The following DICER1 variants were observed in gnomAD, a reference collection of about 807,000 sequenced individuals.
The protein encoded by DICER1 is dicer 1, ribonuclease III.
A neutral mutation model predicts 194.1 loss-of-function variants in DICER1; 43 were observed. The ratio of observed to expected loss-of-function variants is 0.22; its 90% confidence interval spans 0.17 to 0.29. The LOEUF (loss-of-function observed/expected upper bound fraction) is 0.29. DICER1 is among the 10% of genes least tolerant of loss of function. The pLI is 1.00. For missense variants in DICER1, 1,608 were observed against 2,317.0 expected, an observed-to-expected ratio of 0.69 and a Z score of 6.28; for synonymous variants, 832 against 820.5, an observed-to-expected ratio of 1.01 and a Z score of -0.24.
At chr14:95,140,799 G>A (rs1306985442) in intron 1 of DICER1, 1 of 152,158 alleles carries the variant, frequency 6.6e-6, no homozygotes, top group African/African-American at 2.4e-5. Flanking sequence ...TAAGATTCCT[G>A]TAAACTGAAC....
chr14:95,132,710 T>C, intron 2 of DICER1, 33 bp from the exon 3 acceptor site: 1 of 1,604,116 alleles, frequency 6.2e-7, no homozygotes, highest in Non-Finnish European at 8.5e-7. Context: ...GTTATGCACT[T>C]CTTACCTAAG....
chr14:95,107,282 T>C (rs1891509425), intron 17 of DICER1, among the ~76,000 whole-genome samples: 1 of 151,794 alleles, frequency 6.6e-6, no homozygotes, highest in South Asian at 2.1e-4. Flanking sequence ...GACAGAGTCT[T>C]GGTGTGTCTC....
At position 95,124,244 on chromosome 14, in the gene DICER1, C is replaced by T; in HGVS notation, c.1328G>A (p.Cys443Tyr). 1.9e-6 allele frequency: 3 copies of T among 1,613,962 alleles called. No homozygotes were observed. Among genetic ancestry groups the T allele is most frequent in the Non-Finnish European group, 2.5e-6 (3 of 1,180,030 alleles). Residue 443 changes from cysteine (C) to tyrosine (Y), a missense_variant, in exon 8 of 27, where the codon TGC (cysteine) becomes TAC (tyrosine). By Grantham distance (194) the Cys-to-Tyr change is radical (BLOSUM62 -2). Transcript: ENST00000343455. This position sits in a 1 kb window ranked among gnomAD's most constrained non-coding sequence, Gnocchi z 4.5. Reference protein sequence around the residue: ...NFPSPFTNILCGIIFVERRYT... With the variant: ...NFPSPFTNILYGIIFVERRYT... The stretch of plus-strand genomic sequence containing the variant: ...TCTTCTTTCCACAAAAATAATTCCG[C>T]ACAAAATGTTGGTAAAAGGAGAAGG...
chr14:95,101,565 G>A (rs1334177596), intron 21 of DICER1, among the ~76,000 whole-genome samples: 2 of 152,102 alleles, frequency 1.3e-5, no homozygotes, highest in Non-Finnish European at 2.9e-5. Flanking sequence ...ATTCCATGAG[G>A]TCTAAAATCT....
At chr14:95,098,431 G>A (rs1890560748) in intron 22 of DICER1, among the ~76,000 whole-genome samples, 1 of 152,068 alleles carries the variant, frequency 6.6e-6, no homozygotes, top group Admixed American at 6.6e-5. Flanking sequence ...TAATGCAAGG[G>A]CCTATATTTC....
At chr14:95,092,411 T>TG (rs542781581) in intron 24 of DICER1, among the ~76,000 whole-genome samples, 169 of 152,270 alleles carry the variant, frequency 1.1e-3, no homozygotes, top group African/African-American at 3.9e-3. Flanking sequence ...AAATCATTTG[T>TG]GAAAAAAATA....
At chr14:95,139,490 T>G (rs1010497524) in intron 1 of DICER1, among the ~76,000 whole-genome samples, 1 of 152,228 alleles carries the variant, frequency 6.6e-6, no homozygotes, top group Non-Finnish European at 1.5e-5. Context: ...CTATCACAGA[T>G]TTTTAGAGCT....
At chr14:95,152,209 T>G (rs892383042) in intron 1 of DICER1, among the ~76,000 whole-genome samples, 1 of 152,232 alleles carries the variant, frequency 6.6e-6, no homozygotes, top group African/African-American at 2.4e-5. Context: ...TAAACTCCAA[T>G]TTTGACGGCG....
intron 21 of DICER1, among the ~76,000 whole-genome samples, chr14:95,100,558 C>T (rs1035382338): frequency 6.6e-6 from 1 of 152,194 alleles, no homozygotes. Context: ...TCTGTTTATT[C>T]ACATTAATGG....
Position 95,129,649 on chromosome 14 carries a change from TACTG to T in DICER1, c.574-21_574-18del, listed in dbSNP as rs760905308. 1.9e-6 allele frequency: 3 copies of T among 1,606,994 alleles called. No homozygotes were observed. The highest frequency in any genetic ancestry group is 4.5e-5 in the East Asian group (2 of 44,832). ...TTCACAGAGCTAACATAATAAAAGA[TACTG>T]ACAGTAAAGACTTCATTTTGCAAGG... On this transcript the variant is annotated intron_variant, in intron 5 of 26. Coordinates refer to ENST00000343455, the MANE Select transcript of DICER1 (RefSeq NM_177438.3).
At chr14:95,157,184 G>C (rs1384549564) in intron 1 of DICER1, 46 bp downstream of exon 1, 1 of 150,004 alleles carries the variant, frequency 6.7e-6, no homozygotes, top group Admixed American at 6.6e-5. Flanking sequence ...CAGGCGACCC[G>C]CTCCCCGCCC....
chr14:95,109,466 T>C (rs1007832323), intron 14 of DICER1, among the ~76,000 whole-genome samples: 8 of 152,222 alleles, frequency 5.3e-5, no homozygotes, highest in African/African-American at 1.9e-4. Context: ...ATTCCTGGCC[T>C]CAAGTGATCC....
intron 14 of DICER1, among the ~76,000 whole-genome samples, chr14:95,108,926 T>C (rs913753984): frequency 6.6e-6 from 1 of 152,220 alleles, no homozygotes; most frequent in African/African-American, 2.4e-5. Flanking sequence ...TATAATCCTA[T>C]CACTCAAAGA....
intron 20 of DICER1, among the ~76,000 whole-genome samples, 179 bp downstream of exon 20, chr14:95,104,892 A>G (rs982313977): frequency 3.3e-5 from 5 of 152,262 alleles, no homozygotes; most frequent in African/African-American, 4.8e-5. Flanking sequence ...TTAAGCAGTA[A>G]TGGTTATTTC....
rs774205495 is a variant in DICER1, at chr14:95,095,806, C to A, written c.5095+19G>T. The A allele has an allele frequency of 3.1e-5, 50 of 1,613,582 alleles. No individual in the cohort carries two copies. The highest frequency in any genetic ancestry group is 4.0e-5 in the Non-Finnish European group (47 of 1,179,794). On this transcript the variant is annotated intron_variant, in intron 23 of 26. Transcript: ENST00000343455. ...AGTCTCATTTTCCCAGAAATGAAGT[C>A]TGGTCGTGGGCTCCTTACCAGTGAT... is the stretch of plus-strand genomic sequence containing the variant.
At chr14:95,116,878 T>C (rs1292898050) in intron 9 of DICER1, among the ~76,000 whole-genome samples, 183 bp from the exon 10 acceptor site, 1 of 152,090 alleles carries the variant, frequency 6.6e-6, no homozygotes, top group Admixed American at 6.5e-5. Context: ...CATGGAAACA[T>C]GGACAAAGAA....
rs201906274 is a variant in DICER1 at position 95,105,057 on chromosome 14, C to T, written c.3269+14G>A. 535 of 1,613,190 alleles carry T rather than the reference C, an allele frequency of 3.3e-4. 5 individuals are homozygous for T. Among genetic ancestry groups the T allele is most frequent in the Middle Eastern group, 1.8e-3 (10 of 5,666 alleles). On this transcript the variant is annotated intron_variant, in intron 20 of 26. Coordinates refer to ENST00000343455, the MANE Select transcript of DICER1 (RefSeq NM_177438.3). This position sits in a 1 kb window ranked among gnomAD's most constrained non-coding sequence, Gnocchi z 4.9. ...CATGATCTGTGTTCTTTCTGGCTGA[C>T]TGCACAGGCATACCTAAAATCCGCA...
intron 14 of DICER1, among the ~76,000 whole-genome samples, chr14:95,108,788 C>A (rs1450554001): frequency 6.6e-6 from 1 of 152,182 alleles, no homozygotes; most frequent in Non-Finnish European, 1.5e-5. Flanking sequence ...CACTGTAGGG[C>A]CTTTTTAAAA....
chr14:95,111,205 G>T, intron 14 of DICER1, 112 bp downstream of exon 14: 1 of 1,244,010 alleles, frequency 8.0e-7, no homozygotes, highest in Non-Finnish European at 1.2e-6. Context: ...ATCCAGAGTG[G>T]GCCAAACTGT....
Sources: gnomAD v4.1 joint callset for allele counts (sites outside exome capture counted in the v4.1 genomes callset) on GRCh38, gnomAD v4.1.1 for gene constraint, Gnocchi (gnomAD v3.1) non-coding constraint, MANE v1.5 for transcripts, NCBI Gene and HGNC (gene_info 2026-07-23, HGNC 2026-07-21) for gene names.